Variants in RMND1 observed in about 807,000 individuals in gnomAD.
The protein encoded by RMND1 is required for meiotic nuclear division protein 1 homolog.
A neutral mutation model predicts 54.0 loss-of-function variants in RMND1; 41 were observed. The observed-to-expected ratio is 0.76, with a 90% CI of 0.59 to 0.98. RMND1 has a LOEUF of 0.98. Among genes scored for constraint, RMND1 ranks in the 50% least tolerant of loss-of-function variants. RMND1 has a pLI of 0.00. For missense variants in RMND1, 457 were observed against 532.0 expected, an observed-to-expected ratio of 0.86 and a Z score of 1.39; for synonymous variants, 183 against 181.7, an observed-to-expected ratio of 1.01 and a Z score of -0.06.
intron 10 of RMND1, among the ~76,000 whole-genome samples, chr6:151,407,741 A>G (rs1489024168): frequency 1.3e-5 from 2 of 151,954 alleles, no homozygotes; most frequent in African/African-American, 2.4e-5. Context: ...CCCCATCTCT[A>G]CTAAAAATAC....
chr6:151,423,526 A>G lies in RMND1; in HGVS notation c.936T>C (p.Ser312=). ...ATCCCATAAGCAGTAGTAACTTACC[A>G]GAAAGGCATAGAGCATTGGAGAAAG... The part of the protein sequence containing the change: ...KFAFSNALCL[S]VKLAIWEASL... Residue 312 remains serine, a splice_region_variant and synonymous_variant, in exon 7 of 12, where the codon TCT becomes TCC. Coordinates refer to ENST00000444024, the MANE Select transcript of RMND1 (RefSeq NM_017909.4). 1.3e-5 allele frequency: 21 copies of G among 1,596,670 alleles called. No individual in the cohort carries two copies. The highest frequency in any genetic ancestry group is 1.8e-5 in the Non-Finnish European group (21 of 1,164,188).
intron 3 of RMND1, 131 bp from the exon 4 acceptor site, chr6:151,433,361 C>T (rs1780499793): frequency 2.0e-6 from 1 of 495,532 alleles, no homozygotes; most frequent in African/African-American, 2.0e-5. Flanking sequence ...GTAACACAAT[C>T]ACCATCTTTC....
chr6:151,447,933 C>T (rs1781007459), intron 1 of RMND1, among the ~76,000 whole-genome samples: 1 of 151,744 alleles, frequency 6.6e-6, no homozygotes, highest in Admixed American at 6.6e-5. Context: ...CCTGCCTCAG[C>T]CTCCCGAGTA....
chr6:151,405,359 C>G, intron 11 of RMND1, 92 bp from the exon 12 acceptor site: 1 of 1,224,424 alleles, frequency 8.2e-7, no homozygotes. Flanking sequence ...GAGAAATGCT[C>G]CTGAAGTAAG....
intron 1 of RMND1, among the ~76,000 whole-genome samples, chr6:151,449,334 A>G (rs1164246480): frequency 1.3e-5 from 2 of 150,888 alleles, no homozygotes; most frequent in East Asian, 3.9e-4. Flanking sequence ...GCGCCACTGC[A>G]CTAAAGTCTG....
chr6:151,451,305 TATTA>T (rs1415441065), intron 1 of RMND1, among the ~76,000 whole-genome samples: 2 of 152,204 alleles, frequency 1.3e-5, no homozygotes, highest in Non-Finnish European at 2.9e-5. Context: ...ATTTTTAGTT[TATTA>T]ATTCATACTG....
chr6:151,415,988 G>A (rs893722325), intron 10 of RMND1, among the ~76,000 whole-genome samples: 1 of 151,148 alleles, frequency 6.6e-6, no homozygotes, highest in Non-Finnish European at 1.5e-5. Context: ...TTTTTGTTTT[G>A]TTTTTTTTGA....
At chr6:151,422,446 T>C in intron 8 of RMND1, 95 bp downstream of exon 8, 1 of 577,070 alleles carries the variant, frequency 1.7e-6, no homozygotes, top group Non-Finnish European at 2.9e-6. Flanking sequence ...CTCCCATGGA[T>C]ACTGATGGAT....
chr6:151,417,811 A>T (rs1311890418), intron 9 of RMND1, among the ~76,000 whole-genome samples: 1 of 142,550 alleles, frequency 7.0e-6, no homozygotes, highest in Admixed American at 7.0e-5. Flanking sequence ...TTTGTTTTCA[A>T]TTTTTTTTTT....
chr6:151,427,586 G>T lies in RMND1; in HGVS notation c.730-4C>A, dbSNP rs1780339899. On this transcript the variant is annotated splice_polypyrimidine_tract_variant and splice_region_variant and intron_variant, in intron 5 of 11. Coordinates refer to ENST00000444024, the MANE Select transcript of RMND1 (RefSeq NM_017909.4). The stretch of plus-strand genomic sequence containing the variant: ...GAACTTTCATCACATGCTTCATCTA[G>T]AAGAAAAGGAAGATTAATCTGAAAT... The T allele has an allele frequency of 6.4e-7, 1 of 1,565,724 alleles. No individual in the cohort carries two copies.
intron 1 of RMND1, among the ~76,000 whole-genome samples, 195 bp downstream of exon 1, chr6:151,451,821 T>C (rs546373531): frequency 6.6e-6 from 1 of 151,982 alleles, no homozygotes; most frequent in Admixed American, 6.5e-5. Flanking sequence ...CGCGGTGCAC[T>C]GGCTCAAAAA....
intron 1 of RMND1, among the ~76,000 whole-genome samples, chr6:151,448,793 A>T (rs1294585993): frequency 6.6e-6 from 1 of 152,218 alleles, no homozygotes; most frequent in African/African-American, 2.4e-5. Context: ...ACTTAATAAA[A>T]GCCAAAGCCC....
intron 10 of RMND1, among the ~76,000 whole-genome samples, chr6:151,415,666 G>T (rs1444316084): frequency 2.0e-5 from 3 of 151,838 alleles, no homozygotes; most frequent in African/African-American, 7.3e-5. Context: ...GGTGGCGGGT[G>T]CCTGTAGTCC....
chr6:151,445,578 G>A lies in RMND1; in HGVS notation c.234C>T (p.Ser78=). The A allele has an allele frequency of 6.2e-7, 1 of 1,614,222 alleles. No homozygotes were observed. Among genetic ancestry groups the A allele is most frequent in the Non-Finnish European group, 8.5e-7 (1 of 1,180,034 alleles). Residue 78 remains serine (S), a synonymous_variant, in exon 2 of 12, where the codon AGC becomes AGT. Transcript: ENST00000444024. The part of the protein sequence containing the change: ...LEMNQKKSDT[S]MLSPLNAARC... ...GAGCAGCATTTAATGGAGACAGCATGCTGGTATCTGACTTTTTTTGGTTCA... is the reference window on the plus strand; with the variant it reads ...GAGCAGCATTTAATGGAGACAGCATACTGGTATCTGACTTTTTTTGGTTCA...
intron 10 of RMND1, among the ~76,000 whole-genome samples, chr6:151,407,373 A>G (rs1489789736): frequency 6.6e-6 from 1 of 151,560 alleles, no homozygotes; most frequent in Non-Finnish European, 1.5e-5. Flanking sequence ...TTGGTCTTTA[A>G]TGTTCATCCT....
chr6:151,421,062 A>C (rs973983261), intron 9 of RMND1, 183 bp downstream of exon 9: 15 of 500,786 alleles, frequency 3.0e-5, no homozygotes, highest in Admixed American at 1.5e-4. Flanking sequence ...CTTTCAGTAC[A>C]GTCTTAACAC....
At chr6:151,429,658 A>G (rs1023336396) in intron 5 of RMND1, among the ~76,000 whole-genome samples, 2 of 152,190 alleles carry the variant, frequency 1.3e-5, no homozygotes, top group Non-Finnish European at 2.9e-5. Flanking sequence ...CTTTGGATAA[A>G]TTTCTAGGTG....
chr6:151,447,317 T>G (rs892411461), intron 1 of RMND1, among the ~76,000 whole-genome samples: 10 of 147,542 alleles, frequency 6.8e-5, no homozygotes, highest in Non-Finnish European at 1.2e-4. Context: ...GTCAAATGCA[T>G]GTTCATGAAA....
At chr6:151,445,267 A>T (rs767503302) in intron 2 of RMND1, 41 bp downstream of exon 2, 2 of 1,562,404 alleles carry the variant, frequency 1.3e-6, no homozygotes, top group Non-Finnish European at 1.7e-6. Context: ...AGCATGAGCA[A>T]TGATCACTAA....
Sources: gnomAD v4.1 joint callset for allele counts (sites outside exome capture counted in the v4.1 genomes callset) on GRCh38, gnomAD v4.1.1 for gene constraint, MANE v1.5 for transcripts, NCBI Gene and HGNC (gene_info 2026-07-23, HGNC 2026-07-21) for gene names.